The following ASIC2 variants were observed in gnomAD, a reference collection of about 807,000 sequenced individuals.
ASIC2 encodes acid sensing ion channel subunit 2, also known as acid-sensing ion channel 2.
ASIC2 carries 25 observed loss-of-function variants against 57.3 expected under a neutral mutation model. The observed-to-expected ratio is 0.44, with a 90% CI of 0.32 to 0.61. The LOEUF (loss-of-function observed/expected upper bound fraction) is 0.61. Among genes scored for constraint, ASIC2 ranks in the 20% least tolerant of loss-of-function variants. ASIC2 has a pLI of 0.06. For missense variants in ASIC2, 641 were observed against 738.1 expected (o/e 0.87, Z 1.52); for synonymous variants, 319 against 307.5 (o/e 1.04, Z -0.39).
intron 1 of ASIC2, among the ~76,000 whole-genome samples, chr17:33,637,433 AGAAAG>A (rs1243555246): frequency 6.6e-6 from 1 of 152,196 alleles, no homozygotes; most frequent in Non-Finnish European, 1.5e-5. Context: ...AAGAGGAACT[AGAAAG>A]GAGATTTTTA....
At chr17:33,413,528 T>G (rs1910735672) in intron 1 of ASIC2, among the ~76,000 whole-genome samples, 1 of 152,244 alleles carries the variant, frequency 6.6e-6, no homozygotes, top group Non-Finnish European at 1.5e-5. Context: ...AGGACTACGC[T>G]GATAGCCTCC....
At chr17:33,219,379 T>G (rs554502318) in intron 1 of ASIC2, among the ~76,000 whole-genome samples, 1 of 152,332 alleles carries the variant, frequency 6.6e-6, no homozygotes, top group Admixed American at 6.5e-5. Flanking sequence ...ATACACTTAA[T>G]GCCTATGAGG....
At chr17:33,049,246 G>C (rs1264819155) in intron 3 of ASIC2, among the ~76,000 whole-genome samples, 1 of 152,188 alleles carries the variant, frequency 6.6e-6, no homozygotes, top group Non-Finnish European at 1.5e-5. Context: ...CAATATTTGG[G>C]AGTAGCATGG....
chr17:33,855,489 G>T (rs553691347), intron 1 of ASIC2, among the ~76,000 whole-genome samples: 1 of 152,184 alleles, frequency 6.6e-6, no homozygotes, highest in Non-Finnish European at 1.5e-5. Flanking sequence ...TCTGCAAAAT[G>T]ACTATAATTT....
At chr17:33,294,922 A>G (rs1226013659), upstream of ASIC2, among the ~76,000 whole-genome samples, 1 of 151,868 alleles carries the variant, frequency 6.6e-6, no homozygotes. Context: ...AAAGGCTCAT[A>G]CTCCAGTGCT....
rs142355209 is a variant in ASIC2 at position 34,081,576 on chromosome 17, C to T, written c.555+74402G>A. Among the ~76,000 whole-genome samples the T allele has an allele frequency of 1.3e-3, 197 of 152,304 alleles. 3 individuals carry two copies. Among genetic ancestry groups the T allele is most frequent in the African/African-American group, 3.9e-3 (164 of 41,560 alleles). On this transcript the variant is annotated intron_variant, in intron 1 of 9. Transcript: ENST00000359872. ...CGCTGAGAACAGCATCTAGAACCCACCACCTCAAAATCCTTCTCAAAGGGA... is the reference window on the plus strand; with the variant it reads ...CGCTGAGAACAGCATCTAGAACCCATCACCTCAAAATCCTTCTCAAAGGGA...
intron 1 of ASIC2, among the ~76,000 whole-genome samples, chr17:33,458,673 T>C (rs1196110182): frequency 1.3e-5 from 2 of 152,178 alleles, no homozygotes; most frequent in Admixed American, 6.5e-5. Context: ...ACTCATAAAA[T>C]GATTATTGGT....
chr17:33,052,272 A>G (rs1165258145), intron 3 of ASIC2: 1 of 152,236 alleles, frequency 6.6e-6, no homozygotes, highest in African/African-American at 2.4e-5. Flanking sequence ...GAGCCTTCAC[A>G]ATGTAAGATG....
chr17:33,336,181 C>T (rs1907508062), intron 1 of ASIC2, among the ~76,000 whole-genome samples: 1 of 151,982 alleles, frequency 6.6e-6, no homozygotes, highest in African/African-American at 2.4e-5. Flanking sequence ...TATTTCAAAA[C>T]TTTAAAAGGG....
chr17:33,104,523 A>G (rs894959983), intron 2 of ASIC2, among the ~76,000 whole-genome samples: 1 of 152,206 alleles, frequency 6.6e-6, no homozygotes, highest in Non-Finnish European at 1.5e-5. Flanking sequence ...CCAAGGGAGA[A>G]AGCAAACGGG....
At chr17:33,678,435 CCACACACA>C (rs71144896) in intron 1 of ASIC2, among the ~76,000 whole-genome samples, 11 of 139,600 alleles carry the variant, frequency 7.9e-5, no homozygotes, top group African/African-American at 1.6e-4. Flanking sequence ...CTGGTTCAAT[CCACACACA>C]CACACACACA....
Position 33,118,697 on chromosome 17 carries a change from A to T in ASIC2, c.709-6630T>A, listed in dbSNP as rs192003077. 5.9e-4 allele frequency among the ~76,000 whole-genome samples: 90 copies of T among 152,238 alleles called. 1 individual carries two copies. The Middle Eastern group carries it at 0.01, about 17-fold the overall frequency. The stretch of plus-strand genomic sequence containing the variant: ...TGCACCTGGGGAGTCTAAGGTTCAG[A>T]GGGGTGAAATGACTTGTCCCAGGTC... On this transcript the variant is annotated intron_variant, in intron 1 of 9. Coordinates refer to ENST00000225823, the MANE Select transcript of ASIC2 (RefSeq NM_183377.2).
At chr17:33,046,587 G>T (rs1194713117) in intron 3 of ASIC2, among the ~76,000 whole-genome samples, 2 of 152,032 alleles carry the variant, frequency 1.3e-5, no homozygotes, top group East Asian at 3.9e-4. Context: ...CAGCCCGCCT[G>T]TCCTCCCCTC....
chr17:33,446,126 C>T (rs1019779375), intron 1 of ASIC2, among the ~76,000 whole-genome samples: 2 of 151,994 alleles, frequency 1.3e-5, no homozygotes, highest in African/African-American at 4.8e-5. Flanking sequence ...CGAGGGAACT[C>T]TTAAGAAACT....
chr17:33,952,507 G>T (rs559605284), intron 1 of ASIC2, among the ~76,000 whole-genome samples: 1 of 152,282 alleles, frequency 6.6e-6, no homozygotes, highest in East Asian at 1.9e-4. Flanking sequence ...TTATTATGAT[G>T]TCTATTCACA....
chr17:33,027,877 T>C (rs2091865503), intron 4 of ASIC2, among the ~76,000 whole-genome samples: 1 of 152,240 alleles, frequency 6.6e-6, no homozygotes, highest in Non-Finnish European at 1.5e-5. Flanking sequence ...AAGTGAAACA[T>C]CTGGATGAAA....
intron 1 of ASIC2, among the ~76,000 whole-genome samples, chr17:33,414,087 C>T (rs1036860083): frequency 4.6e-5 from 7 of 152,174 alleles, no homozygotes; most frequent in Non-Finnish European, 1.0e-4. Flanking sequence ...CCCGCAGCAG[C>T]CCAGTGGCCT....
At chr17:33,795,651 C>T (rs1427072330) in intron 1 of ASIC2, among the ~76,000 whole-genome samples, 1 of 152,234 alleles carries the variant, frequency 6.6e-6, no homozygotes. Context: ...TCCTGGGATA[C>T]AGACACAGAA....
intron 1 of ASIC2, among the ~76,000 whole-genome samples, chr17:33,544,407 G>A (rs1325666544): frequency 2.0e-5 from 3 of 152,134 alleles, no homozygotes; most frequent in Admixed American, 6.6e-5. Flanking sequence ...AAATACCCAC[G>A]AGTGGAAATT....
Sources: gnomAD v4.1 joint callset for allele counts (sites outside exome capture counted in the v4.1 genomes callset) on GRCh38, gnomAD v4.1.1 for gene constraint, MANE v1.5 for transcripts, NCBI Gene and HGNC (gene_info 2026-07-23, HGNC 2026-07-21) for gene names.